Variants in DYSF observed in about 807,000 individuals in gnomAD.
DYSF encodes the protein dysferlin.
DYSF carries 212 observed loss-of-function variants against 274.9 expected under a neutral mutation model. That is an observed-to-expected ratio of 0.77 (90% CI 0.69 to 0.86). The LOEUF is 0.86. Ranked by LOEUF, DYSF falls within the 40% of genes least tolerant of loss-of-function variation. The pLI is 0.00. For synonymous variants in DYSF, 1,091 were observed against 1,078.7 expected, an observed-to-expected ratio of 1.01 and a Z score of -0.22; for missense variants, 2,666 against 2,783.2, an observed-to-expected ratio of 0.96 and a Z score of 0.95.
rs904090176 is a variant in DYSF at position 71,513,443 on chromosome 2, C to T, written c.553+111C>T. The T allele has an allele frequency of 6.7e-6, 8 of 1,185,838 alleles. No individual in the cohort carries two copies. In the African/African-American group the frequency reaches 1.2e-4, roughly 18 times the overall value. The allele number at this position is 1,185,838 out of a possible 1,614,324, so 73.5% of individuals were successfully genotyped here. A position where few individuals can be genotyped will look rare whatever the true frequency, so the allele number is the denominator to read the frequency against. ...GCCAGGTGGCAGAGGACTCCTCCTG[C>T]AGGACTTGGCGGGTGGGAGGGCTAG... On this transcript the variant is annotated intron_variant, in intron 6 of 55. Transcript: ENST00000410020.
intron 43 of DYSF, among the ~76,000 whole-genome samples, chr2:71,657,999 CT>C: frequency 6.6e-6 from 1 of 152,318 alleles, no homozygotes; most frequent in South Asian, 2.1e-4. Context: ...TTTTTCTTTT[CT>C]TCTGCATCAT....
chr2:71,594,739 C>T (rs918437992), intron 32 of DYSF, among the ~76,000 whole-genome samples: 2 of 152,196 alleles, frequency 1.3e-5, no homozygotes, highest in Non-Finnish European at 2.9e-5. Context: ...GGAATGCCCC[C>T]TTTTCCTTGG....
intron 32 of DYSF, among the ~76,000 whole-genome samples, chr2:71,596,143 G>A (rs2093402079): frequency 6.6e-6 from 1 of 151,934 alleles, no homozygotes; most frequent in Non-Finnish European, 1.5e-5. Context: ...CCTCCCATGG[G>A]CGGGTGGGGC....
rs1460299421 is a variant in DYSF at position 71,615,358 on chromosome 2, T to C, written c.4464+1948T>C. Among the ~76,000 whole-genome samples, 1 of 152,028 alleles carries C rather than the reference T, an allele frequency of 6.6e-6. No individual in the cohort carries two copies. The highest frequency in any genetic ancestry group is 1.5e-5 in the Non-Finnish European group (1 of 67,968). On this transcript the variant is annotated intron_variant, in intron 40 of 55. Coordinates refer to ENST00000410020, the MANE Select transcript of DYSF (RefSeq NM_001130987.2). This position sits in a 1 kb window ranked among gnomAD's most constrained non-coding sequence, Gnocchi z 4.9. Reference sequence around the variant, plus strand: ...ACCTGGGGAGGGGCTGGGCCTCCCCTGGCCTGGGACAGGGGAGGAGGAGGA... The same window carrying C: ...ACCTGGGGAGGGGCTGGGCCTCCCCCGGCCTGGGACAGGGGAGGAGGAGGA...
intron 30 of DYSF, among the ~76,000 whole-genome samples, chr2:71,585,080 G>C (rs1234310335): frequency 2.0e-5 from 3 of 152,228 alleles, no homozygotes; most frequent in African/African-American, 7.2e-5. Context: ...CCCGAACCTG[G>C]CCACAGGGGA....
intron 30 of DYSF, 28 bp from the exon 31 acceptor site, chr2:71,589,565 T>G (rs1421428750): frequency 1.2e-6 from 2 of 1,605,704 alleles, no homozygotes. Context: ...GGGGGCAGAA[T>G]CTGCCATAAC....
At position 71,513,901 on chromosome 2, in the gene DYSF, G is replaced by A. The variant is rs529238728; in HGVS notation, c.739G>A (p.Asp247Asn). Residue 247 changes from aspartate to asparagine, a missense_variant, in exon 7 of 56, where the codon GAC becomes AAC. Asp to Asn is a conservative substitution (Grantham distance 23, BLOSUM62 1). Coordinates refer to ENST00000410020, the MANE Select transcript of DYSF (RefSeq NM_001130987.2). ...GCCTACATCTAGAAAGCTGCTGTCA[G>A]ACAAACCGCAGGATTTCCAGGTGAT... ...SAPTSRKLLSDKPQDFQIRVQ... is the reference protein window; with the variant it reads ...SAPTSRKLLSNKPQDFQIRVQ... 5.0e-6 allele frequency: 8 copies of A among 1,614,192 alleles called. No homozygotes were observed. The South Asian group carries it at 8.8e-5, about 18-fold the overall frequency.
At position 71,668,741 on chromosome 2, in the gene DYSF, C is replaced by T. The variant is rs766666241; in HGVS notation, c.5458-13C>T. 3.1e-6 allele frequency: 5 copies of T among 1,612,616 alleles called. No homozygotes were observed. Among genetic ancestry groups the T allele is most frequent in the Non-Finnish European group, 4.2e-6 (5 of 1,179,522 alleles). On this transcript the variant is annotated splice_polypyrimidine_tract_variant and intron_variant, in intron 48 of 55. Transcript: ENST00000410020. ...TGAGAAGGGTGGGGAGAGAACGGAC[C>T]CTGTCTCCGCAGGGGAAGCTGCAGA...
intron 36 of DYSF, among the ~76,000 whole-genome samples, chr2:71,608,001 T>G (rs1196947304): frequency 1.3e-5 from 2 of 151,652 alleles, no homozygotes; most frequent in African/African-American, 2.4e-5. Flanking sequence ...GCAAACAGGG[T>G]GAGGGCCAGC....
intron 1 of DYSF, among the ~76,000 whole-genome samples, chr2:71,471,085 C>T (rs1047249783): frequency 6.6e-6 from 1 of 152,152 alleles, no homozygotes; most frequent in Non-Finnish European, 1.5e-5. Flanking sequence ...TGTCAGCCAC[C>T]CCGCCTAGCC....
At chr2:71,587,582 G>A (rs2093112720) in intron 30 of DYSF, among the ~76,000 whole-genome samples, 1 of 152,218 alleles carries the variant, frequency 6.6e-6, no homozygotes, top group African/African-American at 2.4e-5. Context: ...CAGGAAGTGT[G>A]CTAAGAACTA....
At chr2:71,574,053 C>T in intron 29 of DYSF, 145 bp from the exon 30 acceptor site, 1 of 997,354 alleles carries the variant, frequency 1.0e-6, no homozygotes, top group Non-Finnish European at 1.5e-6. Context: ...CTAGGTGGCC[C>T]TCCCAGGTTT....
intron 41 of DYSF, among the ~76,000 whole-genome samples, chr2:71,624,360 G>A (rs142358000): frequency 1.7e-3 from 252 of 152,260 alleles, no homozygotes; most frequent in Non-Finnish European, 3.2e-3. Context: ...TATTGAGTTA[G>A]GTTTGCTACT....
At chr2:71,666,976 A>G (rs906441562) in intron 47 of DYSF, among the ~76,000 whole-genome samples, 1 of 152,236 alleles carries the variant, frequency 6.6e-6, no homozygotes, top group Non-Finnish European at 1.5e-5. Flanking sequence ...AGTGAACGAG[A>G]GCATAATACT....
intron 45 of DYSF, among the ~76,000 whole-genome samples, chr2:71,662,414 GTGTGTGTATA>G (rs1238605815): frequency 1.3e-5 from 2 of 151,956 alleles, no homozygotes; most frequent in Non-Finnish European, 2.9e-5. Flanking sequence ...GGATGCAGTT[GTGTGTGTATA>G]TGTGTGTATG....
intron 1 of DYSF, among the ~76,000 whole-genome samples, chr2:71,477,412 G>T (rs1056706635): frequency 1.3e-5 from 2 of 151,896 alleles, no homozygotes. Context: ...GTAAGTTGCC[G>T]GGCTCTGTCA....
chr2:71,627,054 T>C (rs1345611809), intron 41 of DYSF, among the ~76,000 whole-genome samples: 1 of 151,762 alleles, frequency 6.6e-6, no homozygotes, highest in African/African-American at 2.4e-5. Context: ...CTTGCCAGAA[T>C]TTATCAGATT....
intron 41 of DYSF, among the ~76,000 whole-genome samples, chr2:71,642,371 A>G (rs1404082590): frequency 6.6e-6 from 1 of 152,214 alleles, no homozygotes; most frequent in Non-Finnish European, 1.5e-5. Context: ...GTGACTGTGT[A>G]AGTCAGTTCT....
chr2:71,465,253 T>A (rs1228066533), upstream of DYSF, among the ~76,000 whole-genome samples: 1 of 152,078 alleles, frequency 6.6e-6, no homozygotes, highest in African/African-American at 2.4e-5. Flanking sequence ...TGCCCAAGTG[T>A]CCAGTTGTTA....
Sources: allele counts gnomAD v4.1 joint callset (sites outside exome capture counted in the v4.1 genomes callset), GRCh38; gene constraint gnomAD v4.1.1; non-coding constraint Gnocchi (gnomAD v3.1); transcripts MANE v1.5; gene names NCBI Gene and HGNC (gene_info 2026-07-23, HGNC 2026-07-21).